NELL1: variants seen among roughly 807,000 people sequenced by gnomAD.
NELL1 encodes the protein protein kinase C-binding protein NELL1.
Under a neutral mutation model 107.4 loss-of-function variants are expected in NELL1, and 76 were observed. The ratio of observed to expected loss-of-function variants is 0.71; its 90% confidence interval spans 0.59 to 0.86. The LOEUF is 0.86. Among genes scored for constraint, NELL1 ranks in the 40% least tolerant of loss-of-function variants. The pLI is 0.00. For synonymous variants in NELL1, 353 were observed against 341.2 expected (o/e 1.03, Z -0.38); for missense variants, 1,024 against 1,005.5 (o/e 1.02, Z -0.25).
chr11:21,030,558 A>G (rs1168551529), intron 12 of NELL1, among the ~76,000 whole-genome samples: 1 of 151,684 alleles, frequency 6.6e-6, no homozygotes, highest in African/African-American at 2.4e-5. Context: ...ATTGCCTCAT[A>G]TAATTCAATT....
intron 2 of NELL1, among the ~76,000 whole-genome samples, chr11:20,780,373 C>T (rs7122575): frequency 0.98 from 149,739 of 152,240 alleles, 73,689 homozygotes; most frequent in East Asian, 1. Context: ...AGATATATTA[C>T]TTTCTGACTA....
At chr11:20,766,848 T>G (rs972598611) in intron 2 of NELL1, among the ~76,000 whole-genome samples, 1 of 152,078 alleles carries the variant, frequency 6.6e-6, no homozygotes, top group African/African-American at 2.4e-5. Context: ...GTTCAAGTGA[T>G]TCTCCTGCCT....
At chr11:21,171,946 T>G (rs763699824) in intron 13 of NELL1, among the ~76,000 whole-genome samples, 5 of 151,958 alleles carry the variant, frequency 3.3e-5, no homozygotes, top group African/African-American at 7.3e-5. Flanking sequence ...ATTCTTCTTA[T>G]GACTTTTGCA....
chr11:21,372,524 G>A (rs6483771), intron 15 of NELL1, among the ~76,000 whole-genome samples: 150,969 of 152,098 alleles, frequency 0.99, 74,930 homozygotes, highest in East Asian at 1. Flanking sequence ...AAATTTAGCT[G>A]GTGTAAGTAA....
At chr11:21,226,875 A>C (rs1234872069) in intron 13 of NELL1, among the ~76,000 whole-genome samples, 2 of 152,224 alleles carry the variant, frequency 1.3e-5, no homozygotes, top group Non-Finnish European at 2.9e-5. Context: ...AAAGGCAGAT[A>C]AACCAACTAC....
intron 15 of NELL1, among the ~76,000 whole-genome samples, chr11:21,419,971 G>C (rs555069285): frequency 6.6e-6 from 1 of 151,492 alleles, no homozygotes. Flanking sequence ...TTTTTTTATT[G>C]CTTGCTGAGT....
chr11:21,508,545 CAA>C (rs1855355588), intron 15 of NELL1, among the ~76,000 whole-genome samples: 1 of 152,048 alleles, frequency 6.6e-6, no homozygotes, highest in African/African-American at 2.4e-5. Flanking sequence ...CGAAACTAGT[CAA>C]AGTCAATCGG....
At chr11:21,246,825 G>T (rs1447905784) in intron 14 of NELL1, among the ~76,000 whole-genome samples, 1 of 152,080 alleles carries the variant, frequency 6.6e-6, no homozygotes, top group African/African-American at 2.4e-5. Context: ...AAGGCAAAAG[G>T]CACACCTTAC....
At chr11:21,112,944 CT>C (rs573348330) in intron 12 of NELL1, among the ~76,000 whole-genome samples, 2 of 152,004 alleles carry the variant, frequency 1.3e-5, no homozygotes, top group South Asian at 4.1e-4. Flanking sequence ...CTATCACGAA[CT>C]TTTATGAGAA....
At chr11:21,110,138 G>A (rs1855072252) in intron 12 of NELL1, among the ~76,000 whole-genome samples, 1 of 152,120 alleles carries the variant, frequency 6.6e-6, no homozygotes, top group African/African-American at 2.4e-5. Flanking sequence ...ATGAAGGCAA[G>A]ATTGTGACAT....
chr11:21,514,690 G>A (rs913617596), intron 15 of NELL1, among the ~76,000 whole-genome samples: 6 of 142,928 alleles, frequency 4.2e-5, no homozygotes, highest in African/African-American at 1.8e-4. Flanking sequence ...AATGTGTGTG[G>A]GCTGTTTCTG....
chr11:20,917,570 TCAAAAGTCA>T (rs886838098), intron 5 of NELL1, among the ~76,000 whole-genome samples: 26 of 152,026 alleles, frequency 1.7e-4, no homozygotes, highest in Admixed American at 6.6e-5. Context: ...CTTGAAAAAT[TCAAAAGTCA>T]AGTCAATATT....
chr11:21,259,103 G>A lies in NELL1; in HGVS notation c.1549+29649G>A, dbSNP rs529274882. On this transcript the variant is annotated intron_variant, in intron 14 of 19. Transcript: ENST00000357134. ...TTGTTCCTATAGAAGCGGGAGGGGG[G>A]CAGTGCAAAAATGGCTGAGGTAACA... Among the ~76,000 whole-genome samples the A allele has an allele frequency of 2.4e-4, 36 of 151,912 alleles. No homozygotes were observed. The East Asian group carries it at 5.5e-3, about 23-fold the overall frequency.
At chr11:20,952,221 G>A (rs1316962971) in intron 11 of NELL1, among the ~76,000 whole-genome samples, 1 of 152,110 alleles carries the variant, frequency 6.6e-6, no homozygotes, top group African/African-American at 2.4e-5. Flanking sequence ...TGACGTTGGA[G>A]GATTTTGCTG....
At chr11:20,688,862 T>A (rs1854376228) in intron 2 of NELL1, among the ~76,000 whole-genome samples, 2 of 152,100 alleles carry the variant, frequency 1.3e-5, no homozygotes, top group South Asian at 4.1e-4. Context: ...CCACCAACAG[T>A]GTATAAGTGT....
At chr11:20,886,264 A>C (rs2134108254) in intron 5 of NELL1, among the ~76,000 whole-genome samples, 1 of 152,292 alleles carries the variant, frequency 6.6e-6, no homozygotes, top group African/African-American at 2.4e-5. Context: ...TTTTTTTTAA[A>C]AAAACTGCAT....
At chr11:21,060,908 A>G (rs11025896) in intron 12 of NELL1, among the ~76,000 whole-genome samples, 41,747 of 151,658 alleles carry the variant, frequency 0.28, 5,958 homozygotes, top group South Asian at 0.4. Flanking sequence ...GCTAATTTTT[A>G]TATTTTTTAG....
At chr11:21,337,921 T>G (rs1299765777) in intron 14 of NELL1, among the ~76,000 whole-genome samples, 1 of 151,244 alleles carries the variant, frequency 6.6e-6, no homozygotes, top group Non-Finnish European at 1.5e-5. Flanking sequence ...GTATTTCTTT[T>G]GCATTTAGCC....
chr11:20,717,842 A>G (rs1234867029), intron 2 of NELL1, among the ~76,000 whole-genome samples: 4 of 152,308 alleles, frequency 2.6e-5, no homozygotes, highest in East Asian at 3.9e-4. Flanking sequence ...TTTGTCTTCC[A>G]TCATAAATCA....
Sources: gnomAD v4.1 joint callset for allele counts (sites outside exome capture counted in the v4.1 genomes callset) on GRCh38, gnomAD v4.1.1 for gene constraint, MANE v1.5 for transcripts, NCBI Gene and HGNC (gene_info 2026-07-23, HGNC 2026-07-21) for gene names.